Variants in CAST observed in about 807,000 individuals in gnomAD.
CAST encodes the protein MIR583 host.
A neutral mutation model predicts 119.6 loss-of-function variants in CAST; 76 were observed. The observed-to-expected ratio is 0.64, with a 90% CI of 0.53 to 0.77. The LOEUF is 0.77. Ranked by LOEUF, CAST falls within the 30% of genes least tolerant of loss-of-function variation. The probability of loss-of-function intolerance (pLI) is 0.00; values close to 1 mark genes in which losing one functional copy is unlikely to be tolerated. For missense variants in CAST, 953 were observed against 946.5 expected (o/e 1.01, Z -0.09); for synonymous variants, 319 against 331.6 (o/e 0.96, Z 0.41).
the CAST span, chr5:96,394,893 C>G: frequency 5.6e-6 from 9 of 1,614,040 alleles, no homozygotes; most frequent in African/African-American, 1.1e-4. Flanking sequence ...TTCTCCACCC[C>G]TCTTCTGTCA....
chr5:96,225,140 C>T, the CAST span, among the ~76,000 whole-genome samples: 1 of 152,126 alleles, frequency 6.6e-6, no homozygotes, highest in Non-Finnish European at 1.5e-5. Flanking sequence ...AAAATAACAC[C>T]AATGTAGAGG....
the CAST span, among the ~76,000 whole-genome samples, chr5:96,280,553 T>G: frequency 6.6e-6 from 1 of 152,224 alleles, no homozygotes; most frequent in Admixed American, 6.5e-5. Flanking sequence ...TTTTGGCCCC[T>G]GCTCTGACAC....
the CAST span, among the ~76,000 whole-genome samples, chr5:96,097,507 C>G: frequency 2.0e-5 from 3 of 152,018 alleles, no homozygotes; most frequent in Non-Finnish European, 4.4e-5. Flanking sequence ...CTGAAGGCCA[C>G]AGTGTGTTGT....
the CAST span, among the ~76,000 whole-genome samples, chr5:96,050,818 C>G: frequency 6.6e-6 from 1 of 152,018 alleles, no homozygotes; most frequent in African/African-American, 2.4e-5. Flanking sequence ...CAAGGGAGAC[C>G]GATGGGCGAG....
chr5:96,013,447 GTACTCCAT>G, the CAST span, among the ~76,000 whole-genome samples: 1 of 151,866 alleles, frequency 6.6e-6, no homozygotes, highest in Non-Finnish European at 1.5e-5. Context: ...TAGCTGCATA[GTACTCCAT>G]TATATATCAT....
chr5:96,219,950 C>T, the CAST span, among the ~76,000 whole-genome samples: 1 of 152,182 alleles, frequency 6.6e-6, no homozygotes. Context: ...TTTAAGGTCA[C>T]TTTCTTTTGG....
the CAST span, among the ~76,000 whole-genome samples, chr5:96,186,463 A>G: frequency 2.6e-5 from 4 of 152,202 alleles, no homozygotes; most frequent in East Asian, 5.8e-4. Context: ...TTGCACATTC[A>G]GTATGATATT....
At chr5:96,602,496 A>G (rs1747173637) in intron 1 of CAST, among the ~76,000 whole-genome samples, 1 of 152,220 alleles carries the variant, frequency 6.6e-6, no homozygotes, top group Non-Finnish European at 1.5e-5. Flanking sequence ...TCACGCCTGT[A>G]ATCCCAGCAC....
At chr5:96,455,214 G>A in the CAST span, among the ~76,000 whole-genome samples, 3 of 152,112 alleles carry the variant, frequency 2.0e-5, no homozygotes, top group South Asian at 2.1e-4. Context: ...CTTGGGACTC[G>A]GCTCATCCCA....
chr5:96,493,215 C>T, the CAST span, among the ~76,000 whole-genome samples: 2 of 152,136 alleles, frequency 1.3e-5, no homozygotes, highest in Non-Finnish European at 2.9e-5. Flanking sequence ...TAACTCTGAT[C>T]TATTTTTATT....
At chr5:96,041,427 G>A in the CAST span, among the ~76,000 whole-genome samples, 1 of 152,044 alleles carries the variant, frequency 6.6e-6, no homozygotes, top group Admixed American at 6.6e-5. Context: ...GTCTATCTGA[G>A]AACCTGTCAT....
At chr5:96,145,767 A>G in the CAST span, among the ~76,000 whole-genome samples, 6 of 152,196 alleles carry the variant, frequency 3.9e-5, no homozygotes, top group Admixed American at 3.3e-4. Context: ...CCATTTTATT[A>G]TATCTCCTAA....
At chr5:96,562,076 G>A (rs925719658) in intron 1 of CAST, among the ~76,000 whole-genome samples, 11 of 151,804 alleles carry the variant, frequency 7.2e-5, no homozygotes, top group African/African-American at 2.2e-4. Flanking sequence ...ACAGGCGTGA[G>A]CCACCGCGCC....
chr5:96,749,422 C>T (rs938799253), intron 19 of CAST, among the ~76,000 whole-genome samples: 2 of 152,192 alleles, frequency 1.3e-5, no homozygotes, highest in African/African-American at 2.4e-5. Context: ...GTTCCTTGAA[C>T]GAAGAGATCA....
the CAST span, among the ~76,000 whole-genome samples, chr5:96,047,208 G>A: frequency 6.6e-6 from 1 of 152,252 alleles, no homozygotes; most frequent in Non-Finnish European, 1.5e-5. Flanking sequence ...TCACAGATAA[G>A]CCTCAAGAAT....
chr5:96,736,444 C>G (rs563756757), intron 10 of CAST, among the ~76,000 whole-genome samples: 10 of 142,468 alleles, frequency 7.0e-5, no homozygotes, highest in Non-Finnish European at 6.5e-5. Context: ...CTATTATAAC[C>G]CCTTTTTTAA....
intron 7 of CAST, 26 bp downstream of exon 7, chr5:96,729,235 T>C: frequency 7.6e-7 from 1 of 1,311,310 alleles, no homozygotes; most frequent in South Asian, 1.2e-5. Context: ...CAGGACTTAA[T>C]TATAAGGCAA....
chr5:96,204,230 A>G, the CAST span, among the ~76,000 whole-genome samples: 2 of 151,972 alleles, frequency 1.3e-5, no homozygotes, highest in Non-Finnish European at 2.9e-5. Context: ...CCCTTCCCTC[A>G]TAGGTTTCAT....
At chr5:96,617,825 A>C (rs960748409) in intron 1 of CAST, among the ~76,000 whole-genome samples, 13 of 142,302 alleles carry the variant, frequency 9.1e-5, no homozygotes, top group South Asian at 6.8e-4. Flanking sequence ...AAAAAAAAAA[A>C]AAAACACTCT....
Sources: allele counts gnomAD v4.1 joint callset (sites outside exome capture counted in the v4.1 genomes callset), GRCh38; gene constraint gnomAD v4.1.1; transcripts MANE v1.5; gene names NCBI Gene and HGNC (gene_info 2026-07-23, HGNC 2026-07-21).